The following NAALADL2 variants were observed in gnomAD, a reference collection of about 807,000 sequenced individuals.
The protein encoded by NAALADL2 is N-acetylated alpha-linked acidic dipeptidase like 2.
A neutral mutation model predicts 87.2 loss-of-function variants in NAALADL2; 76 were observed. The ratio of observed to expected loss-of-function variants is 0.87; its 90% CI spans 0.72 to 1.05. The LOEUF (loss-of-function observed/expected upper bound fraction) is 1.05. Among genes scored for constraint, NAALADL2 ranks in the 50% least tolerant of loss-of-function variants. The probability of loss-of-function intolerance (pLI) is 0.00; values close to 1 mark genes in which losing one functional copy is unlikely to be tolerated. For synonymous variants in NAALADL2, 354 were observed against 331.0 expected (o/e 1.07, Z -0.75); for missense variants, 1,089 against 945.8 (o/e 1.15, Z -1.99).
At chr3:175,227,592 C>A (rs966049449) in intron 2 of NAALADL2, among the ~76,000 whole-genome samples, 8 of 151,910 alleles carry the variant, frequency 5.3e-5, no homozygotes, top group Admixed American at 2.6e-4. Flanking sequence ...TTTAATACAG[C>A]AAACTACCTA....
intron 2 of NAALADL2, among the ~76,000 whole-genome samples, chr3:175,098,953 A>G (rs1721655970): frequency 1.3e-5 from 2 of 151,758 alleles, no homozygotes; most frequent in South Asian, 4.2e-4. Flanking sequence ...AATGAATACC[A>G]TAACCTAGTC....
At chr3:174,869,731 A>T (rs1246532736) in intron 1 of NAALADL2, among the ~76,000 whole-genome samples, 1 of 152,038 alleles carries the variant, frequency 6.6e-6, no homozygotes, top group Non-Finnish European at 1.5e-5. Context: ...GGAAAGCACT[A>T]GGAAAAAAAT....
chr3:175,427,970 A>G (rs1400187971), intron 5 of NAALADL2, among the ~76,000 whole-genome samples: 1 of 152,100 alleles, frequency 6.6e-6, no homozygotes, highest in Non-Finnish European at 1.5e-5. Context: ...GTTAATACAG[A>G]ACATTTCTTT....
chr3:175,701,968 A>G (rs1739056699), intron 11 of NAALADL2, among the ~76,000 whole-genome samples: 1 of 152,174 alleles, frequency 6.6e-6, no homozygotes, highest in Non-Finnish European at 1.5e-5. Context: ...TCCAAATTTT[A>G]ATTTCCTGAA....
chr3:175,025,326 T>A (rs1289571722), intron 1 of NAALADL2, among the ~76,000 whole-genome samples: 1 of 152,132 alleles, frequency 6.6e-6, no homozygotes. Flanking sequence ...TAAAAAGCTA[T>A]TAAATAATGA....
At chr3:175,717,614 C>G (rs2150021378) in intron 11 of NAALADL2, among the ~76,000 whole-genome samples, 1 of 151,204 alleles carries the variant, frequency 6.6e-6, no homozygotes, top group African/African-American at 2.4e-5. Context: ...TCACTTGAGC[C>G]CAGGAGGTAG....
intron 1 of NAALADL2, among the ~76,000 whole-genome samples, chr3:174,884,190 C>G (rs114112309): frequency 0.013 from 1,934 of 152,202 alleles, 13 homozygotes; most frequent in Non-Finnish European, 0.018. Flanking sequence ...TAGTGGATCA[C>G]TAGGGGTAAT....
intron 3 of NAALADL2, among the ~76,000 whole-genome samples, chr3:174,832,517 A>G (rs1441581089): frequency 8.5e-5 from 13 of 152,204 alleles, no homozygotes; most frequent in Admixed American, 4.6e-4. Flanking sequence ...GCTGGAGTGC[A>G]GTGGCTCGAT....
chr3:175,053,839 A>G (rs1289715477), intron 1 of NAALADL2, among the ~76,000 whole-genome samples: 2 of 152,206 alleles, frequency 1.3e-5, no homozygotes, highest in Non-Finnish European at 2.9e-5. Context: ...TGCATTTGAG[A>G]CCAGAGGCAT....
intron 1 of NAALADL2, among the ~76,000 whole-genome samples, chr3:175,017,394 C>T (rs1489678591): frequency 6.6e-6 from 1 of 152,056 alleles, no homozygotes; most frequent in Non-Finnish European, 1.5e-5. Context: ...GAAGGTTGCT[C>T]ACTAAGTGGC....
chr3:174,526,680 T>C (rs1720784567), intron 1 of NAALADL2, among the ~76,000 whole-genome samples: 1 of 69,128 alleles, frequency 1.4e-5, no homozygotes, highest in East Asian at 7.2e-4. Context: ...TTCTTTTTCT[T>C]TTTTTTTTTT....
intron 9 of NAALADL2, among the ~76,000 whole-genome samples, chr3:175,518,220 T>G (rs1732151978): frequency 6.6e-6 from 1 of 152,204 alleles, no homozygotes; most frequent in Non-Finnish European, 1.5e-5. Flanking sequence ...TTCAGAGGAC[T>G]TCCTTACCCT....
intron 11 of NAALADL2, among the ~76,000 whole-genome samples, chr3:175,638,651 A>G (rs1728870974): frequency 6.6e-6 from 1 of 152,230 alleles, no homozygotes; most frequent in South Asian, 2.1e-4. Context: ...ATCCAAATGC[A>G]TGAGCTTTTT....
intron 10 of NAALADL2, among the ~76,000 whole-genome samples, chr3:175,613,644 A>G (rs1195937528): frequency 6.6e-6 from 1 of 152,202 alleles, no homozygotes; most frequent in Non-Finnish European, 1.5e-5. Flanking sequence ...TAGTATAGAC[A>G]ATGTATTTTC....
intron 1 of NAALADL2, among the ~76,000 whole-genome samples, chr3:175,041,452 T>A (rs191572440): frequency 1.3e-5 from 2 of 152,020 alleles, no homozygotes; most frequent in Admixed American, 6.6e-5. Flanking sequence ...AGCTAGGAGG[T>A]CTTTGGGATT....
intron 9 of NAALADL2, among the ~76,000 whole-genome samples, chr3:175,563,954 C>T (rs1019485319): frequency 6.6e-6 from 1 of 152,072 alleles, no homozygotes; most frequent in Non-Finnish European, 1.5e-5. Context: ...TTAGTTTGGC[C>T]CACAGTTTTA....
In NAALADL2 at chr3:175,536,808, C is replaced by G. The variant is rs145090271; in HGVS notation, c.1654-39233C>G. ...GATTACAGGCGTGAGACGCAAACCC[C>G]GTCTCTACTAAAAATACAAAAAAAT... is the stretch of plus-strand genomic sequence containing the variant. On this transcript the variant is annotated intron_variant, in intron 9 of 13. Transcript: ENST00000454872. Among the ~76,000 whole-genome samples the G allele has an allele frequency of 2.1e-3, 319 of 152,174 alleles. 3 individuals carry two copies. The highest frequency in any genetic ancestry group is 6.9e-3 in the African/African-American group (286 of 41,516).
At chr3:174,944,474 C>T (rs892883989) in intron 1 of NAALADL2, among the ~76,000 whole-genome samples, 8 of 152,138 alleles carry the variant, frequency 5.3e-5, no homozygotes, top group Admixed American at 5.2e-4. Context: ...ATGCTGCTAC[C>T]AGTGGCTAGC....
intron 1 of NAALADL2, among the ~76,000 whole-genome samples, chr3:174,862,069 TG>T (rs1468496291): frequency 6.6e-6 from 1 of 152,098 alleles, no homozygotes; most frequent in African/African-American, 2.4e-5. Flanking sequence ...AGGTTCATAA[TG>T]TCCTCAGGAT....
Sources: gnomAD v4.1 joint callset for allele counts (sites outside exome capture counted in the v4.1 genomes callset) on GRCh38, gnomAD v4.1.1 for gene constraint, MANE v1.5 for transcripts, NCBI Gene and HGNC (gene_info 2026-07-23, HGNC 2026-07-21) for gene names.